Variants in COL19A1 observed in about 807,000 individuals in gnomAD.
The protein encoded by COL19A1 is collagen type XIX alpha 1 chain.
In COL19A1, 159 loss-of-function variants were observed where a neutral mutation model predicts 190.2. That is an observed-to-expected ratio of 0.84 (90% CI 0.73 to 0.95). COL19A1 has a LOEUF of 0.95. Ranked by LOEUF, COL19A1 falls within the 40% of genes least tolerant of loss-of-function variation. The pLI, the probability that COL19A1 is intolerant of heterozygous loss-of-function variation, is 0.00. For synonymous variants in COL19A1, 509 were observed against 458.9 expected (o/e 1.11, Z -1.39); for missense variants, 1,418 against 1,431.9 (o/e 0.99, Z 0.16).
At chr6:69,951,265 T>A (rs768684131) in intron 9 of COL19A1, among the ~76,000 whole-genome samples, 3 of 151,960 alleles carry the variant, frequency 2.0e-5, no homozygotes, top group Non-Finnish European at 4.4e-5. Flanking sequence ...AGTTTTCTCT[T>A]TTATAAAACA....
At chr6:69,973,502 T>C (rs1775544195) in intron 11 of COL19A1, among the ~76,000 whole-genome samples, 1 of 152,228 alleles carries the variant, frequency 6.6e-6, no homozygotes, top group African/African-American at 2.4e-5. Context: ...TCACCACGAC[T>C]GACCCTGAGC....
chr6:70,108,453 T>C (rs1450501460), intron 16 of COL19A1, among the ~76,000 whole-genome samples: 1 of 152,172 alleles, frequency 6.6e-6, no homozygotes, highest in African/African-American at 2.4e-5. Flanking sequence ...ATCTACTGTT[T>C]CCATAGGAAA....
chr6:70,161,798 C>T (rs1787824076), intron 34 of COL19A1, 102 bp from the exon 35 acceptor site: 5 of 720,424 alleles, frequency 6.9e-6, no homozygotes, highest in Non-Finnish European at 1.1e-5. Flanking sequence ...TCTCGATTAG[C>T]TAAATAAGTG....
In COL19A1 at chr6:70,184,737, A is replaced by T; in HGVS notation, c.2810A>T (p.Gln937Leu). Reference protein sequence around the residue: ...INGKDGIPGAQGIMGKPGDRG... With the variant: ...INGKDGIPGALGIMGKPGDRG... ...GGAAAAGATGGAATACCAGGTGCTC[A>T]GGTATGGGAAATATGATTTAAAATA... The change falls in exon 45 of 51, where the codon CAG becomes CTG. Residue 937 changes from glutamine (Q) to leucine (L), a missense_variant and splice_region_variant. Gln to Leu is a moderately radical substitution (Grantham distance 113). Transcript: ENST00000620364. 2 of 1,599,870 alleles carry T rather than the reference A, an allele frequency of 1.3e-6. No individual in the cohort carries two copies. The highest frequency in any genetic ancestry group is 1.7e-6 in the Non-Finnish European group (2 of 1,169,064).
At chr6:69,867,826 G>A (rs551625230) in intron 1 of COL19A1, among the ~76,000 whole-genome samples, 2 of 152,288 alleles carry the variant, frequency 1.3e-5, no homozygotes, top group South Asian at 4.2e-4. Context: ...GCAAAAAGAG[G>A]AGGGCCCAGA....
At chr6:70,106,734 G>A (rs577826353) in intron 16 of COL19A1, among the ~76,000 whole-genome samples, 1 of 152,270 alleles carries the variant, frequency 6.6e-6, no homozygotes, top group Non-Finnish European at 1.5e-5. Context: ...CCTATACAAA[G>A]GAAAAAGCTC....
chr6:69,942,093 G>C (rs1773508080), intron 9 of COL19A1, among the ~76,000 whole-genome samples: 1 of 152,130 alleles, frequency 6.6e-6, no homozygotes, highest in South Asian at 2.1e-4. Flanking sequence ...CTCATTAACT[G>C]TATAATATTA....
At chr6:70,122,381 T>A (rs895982371) in intron 17 of COL19A1, among the ~76,000 whole-genome samples, 1 of 147,246 alleles carries the variant, frequency 6.8e-6, no homozygotes, top group Non-Finnish European at 1.5e-5. Context: ...AGTCCCCACC[T>A]TTCATGGGGA....
chr6:69,961,408 G>C (rs1265646203), intron 10 of COL19A1, among the ~76,000 whole-genome samples: 1 of 152,200 alleles, frequency 6.6e-6, no homozygotes, highest in Non-Finnish European at 1.5e-5. Context: ...GAGTCAAGTT[G>C]CAAGCCAAGG....
chr6:69,932,771 A>AT lies in COL19A1; in HGVS notation c.667-6dup. ...AAACTAAAGATGTTTCTTATTACTA[A>AT]TTTTTTCATAGATTGAACTTCACCA... is the stretch of plus-strand genomic sequence containing the variant. On this transcript the variant is annotated splice_polypyrimidine_tract_variant and intron_variant, in intron 6 of 50. Transcript: ENST00000620364. The AT allele has an allele frequency of 6.5e-7, 1 of 1,545,276 alleles. No individual in the cohort carries two copies. The highest frequency in any genetic ancestry group is 8.9e-7 in the Non-Finnish European group (1 of 1,127,820).
At chr6:70,050,034 A>C (rs999769552) in intron 14 of COL19A1, among the ~76,000 whole-genome samples, 1 of 152,088 alleles carries the variant, frequency 6.6e-6, no homozygotes, top group Non-Finnish European at 1.5e-5. Flanking sequence ...TTAGCTCAGG[A>C]ATTATACAGA....
chr6:70,095,534 T>C (rs1051522897), intron 15 of COL19A1, among the ~76,000 whole-genome samples: 8 of 152,140 alleles, frequency 5.3e-5, no homozygotes. Context: ...TGAATTGTGG[T>C]AAAAAATATA....
rs560967200 is a variant in COL19A1, at chr6:70,070,136, A to G, written c.1224+1660A>G. 2.0e-4 allele frequency among the ~76,000 whole-genome samples: 30 copies of G among 152,260 alleles called. No homozygotes were observed. In the Middle Eastern group the frequency reaches 0.01, roughly 52 times the overall value. On this transcript the variant is annotated intron_variant, in intron 15 of 50. Coordinates refer to ENST00000620364, the MANE Select transcript of COL19A1 (RefSeq NM_001858.6). ...TCTTGATTTGGCTTGTAAGATAATT[A>G]TGACAGACTTGTTAGATACTGGGTG... is the stretch of plus-strand genomic sequence containing the variant.
chr6:69,906,954 G>T (rs112782205), intron 4 of COL19A1, among the ~76,000 whole-genome samples: 1 of 152,038 alleles, frequency 6.6e-6, no homozygotes, highest in Non-Finnish European at 1.5e-5. Context: ...GACTTTAACA[G>T]TTCCCTTGAA....
intron 4 of COL19A1, among the ~76,000 whole-genome samples, chr6:69,921,318 TA>T (rs1260333886): frequency 7.6e-6 from 1 of 131,254 alleles, no homozygotes; most frequent in Non-Finnish European, 1.5e-5. Context: ...ATATATCATA[TA>T]ATCATATATC....
Position 69,965,629 on chromosome 6 carries a change from C to A in COL19A1, c.1026+2759C>A, listed in dbSNP as rs578008814. On this transcript the variant is annotated intron_variant, in intron 11 of 50. Transcript: ENST00000620364. Reference sequence around the variant, plus strand: ...AGCCTCATACATTCCTGAACAAACACAATTCAGCCAAATTAGTCCTGAAGT... The same window carrying A: ...AGCCTCATACATTCCTGAACAAACAAAATTCAGCCAAATTAGTCCTGAAGT... Among the ~76,000 whole-genome samples the A allele has an allele frequency of 2.6e-5, 4 of 152,334 alleles. No homozygotes were observed. The South Asian group carries it at 8.3e-4, about 32-fold the overall frequency.
intron 36 of COL19A1, among the ~76,000 whole-genome samples, chr6:70,163,917 T>C (rs1787974695): frequency 6.6e-6 from 1 of 152,178 alleles, no homozygotes; most frequent in East Asian, 1.9e-4. Flanking sequence ...ACTAGCTGTG[T>C]CCTCACATAG....
intron 11 of COL19A1, among the ~76,000 whole-genome samples, chr6:69,967,784 C>G (rs1394819759): frequency 6.6e-6 from 1 of 151,982 alleles, no homozygotes; most frequent in Non-Finnish European, 1.5e-5. Flanking sequence ...ATATTTTTTA[C>G]CAGACAGAAT....
intron 2 of COL19A1, among the ~76,000 whole-genome samples, chr6:69,897,154 A>C (rs564481875): frequency 6.6e-6 from 1 of 152,246 alleles, no homozygotes; most frequent in Admixed American, 6.5e-5. Flanking sequence ...GTTTTTGTGC[A>C]TGGTGTGAAA....
Sources: allele counts gnomAD v4.1 joint callset (sites outside exome capture counted in the v4.1 genomes callset), GRCh38; gene constraint gnomAD v4.1.1; transcripts MANE v1.5; gene names NCBI Gene and HGNC (gene_info 2026-07-23, HGNC 2026-07-21).